The following IL12A variants were observed in gnomAD, a reference collection of about 807,000 sequenced individuals.
The protein encoded by IL12A is interleukin-12 subunit alpha.
A neutral mutation model predicts 23.5 loss-of-function variants in IL12A; 16 were observed. The observed-to-expected ratio is 0.68, with a 90% CI of 0.46 to 1.03. The LOEUF (loss-of-function observed/expected upper bound fraction) is 1.03, where lower values mean the gene tolerates loss of function less well. IL12A is among the 50% of genes least tolerant of loss of function. The pLI is 0.00. For synonymous variants in IL12A, 106 were observed against 111.5 expected (o/e 0.95, Z 0.31); for missense variants, 275 against 307.0 (o/e 0.90, Z 0.78).
intron 2 of IL12A, among the ~76,000 whole-genome samples, chr3:159,992,614 T>A (rs144722630): frequency 6.6e-6 from 1 of 152,312 alleles, no homozygotes; most frequent in African/African-American, 2.4e-5. Flanking sequence ...ACTGTGACCT[T>A]AACAGTTCCC....
chr3:159,989,023 G>C lies in IL12A; in HGVS notation c.-34G>C. The C allele has an allele frequency of 6.5e-7, 1 of 1,532,362 alleles. No homozygotes were observed. Among genetic ancestry groups the C allele is most frequent in the South Asian group, 1.1e-5 (1 of 89,474 alleles). 94.9% of individuals were successfully genotyped at this position (1,532,362 alleles called of 1,614,324 possible). ...AGAAAGCAAGAGACCAGAGTCCCGG[G>C]AAAGTCCTGCCGCGCCTCGGGACAA... On this transcript the variant is annotated 5_prime_UTR_variant, in exon 1 of 7. Transcript: ENST00000305579.
chr3:159,989,405 A>C, intron 1 of IL12A: 1 of 540,194 alleles, frequency 1.9e-6, no homozygotes, highest in East Asian at 3.4e-5. Context: ...TAGAGGAGAA[A>C]CTGAGGCCCA....
intron 2 of IL12A, 149 bp downstream of exon 2, chr3:159,990,461 T>C: frequency 1.4e-6 from 1 of 726,934 alleles, no homozygotes; most frequent in Non-Finnish European, 2.2e-6. Context: ...ACTTTACAAA[T>C]GGCCCAAGTG....
chr3:159,990,440 C>A, intron 2 of IL12A, 128 bp downstream of exon 2: 1 of 928,656 alleles, frequency 1.1e-6, no homozygotes, highest in Non-Finnish European at 1.6e-6. Context: ...CTGTCAACAG[C>A]AGGAGAGGGA....
At chr3:159,989,209 C>T (rs759427203) in intron 1 of IL12A, 35 bp downstream of exon 1, 2 of 1,562,972 alleles carry the variant, frequency 1.3e-6, no homozygotes, top group African/African-American at 1.4e-5. Context: ...TTGGCTCGCT[C>T]GGGTGCGGAG....
Position 159,989,913 on chromosome 3 carries a change from G to A in IL12A, c.119-254G>A, listed in dbSNP as rs557803828. 2.3e-3 allele frequency among the ~76,000 whole-genome samples: 354 copies of A among 152,352 alleles called. No homozygotes were observed. The Middle Eastern group carries it at 0.037, about 16-fold the overall frequency. ...AAACATGTAGGCTTTCTCTGGGTGAGTGTTGGGTTCAACACCCTTGTCCAA... is the reference window on the plus strand; with the variant it reads ...AAACATGTAGGCTTTCTCTGGGTGAATGTTGGGTTCAACACCCTTGTCCAA... On this transcript the variant is annotated intron_variant, in intron 1 of 6. Transcript: ENST00000305579.
chr3:159,989,186 G>A lies in IL12A; in HGVS notation c.118+12G>A. 1 of 1,606,294 alleles carries A rather than the reference G, an allele frequency of 6.2e-7. No homozygotes were observed. The highest frequency in any genetic ancestry group is 8.5e-7 in the Non-Finnish European group (1 of 1,175,304). The stretch of plus-strand genomic sequence containing the variant: ...GTGTCCAGCGCGCAGTGAGTACTCA[G>A]CCCGCCAGGTCTTTGGCTCGCTCGG... On this transcript the variant is annotated intron_variant, in intron 1 of 6. Transcript: ENST00000305579.
At chr3:159,992,185 A>T (rs1312978597) in intron 2 of IL12A, among the ~76,000 whole-genome samples, 1 of 152,162 alleles carries the variant, frequency 6.6e-6, no homozygotes, top group Non-Finnish European at 1.5e-5. Flanking sequence ...CATTGTCGAC[A>T]CTTTACTCCT....
chr3:159,995,357 G>A (rs1720460844), intron 6 of IL12A, 47 bp from the exon 7 acceptor site: 1 of 1,451,918 alleles, frequency 6.9e-7, no homozygotes, highest in South Asian at 1.4e-5. Context: ...ATGAATATTT[G>A]AATTTTGGAA....
At chr3:159,993,655 T>G (rs771787311) in intron 5 of IL12A, 46 bp downstream of exon 5, 1 of 1,614,150 alleles carries the variant, frequency 6.2e-7, no homozygotes, top group Non-Finnish European at 8.5e-7. Flanking sequence ...GGAAATGTTT[T>G]TAGCCCATCT....
chr3:159,991,687 C>G (rs1720318148), intron 2 of IL12A, among the ~76,000 whole-genome samples: 1 of 152,228 alleles, frequency 6.6e-6, no homozygotes, highest in Admixed American at 6.5e-5. Context: ...ATGGGTCCTA[C>G]TGGGCTAAAG....
In IL12A at chr3:159,989,052, T is replaced by C; in HGVS notation, c.-5T>C. On this transcript the variant is annotated 5_prime_UTR_variant, in exon 1 of 7. Coordinates refer to ENST00000305579, the MANE Select transcript of IL12A (RefSeq NM_000882.4). ...GTCCTGCCGCGCCTCGGGACAATTA[T>C]AAAAATGTGGCCCCCTGGGTCAGCC... The C allele has an allele frequency of 6.2e-7, 1 of 1,612,274 alleles. No homozygotes were observed. The highest frequency in any genetic ancestry group is 8.5e-7 in the Non-Finnish European group (1 of 1,178,846).
rs775722646 is a variant in IL12A at position 159,989,124 on chromosome 3, C to A, written c.68C>A (p.Ala23Glu). Residue 23 changes from alanine (A) to glutamate (E), a missense_variant, in exon 1 of 7, where the codon GCG (alanine) becomes GAG (glutamate). Coordinates refer to ENST00000305579, the MANE Select transcript of IL12A (RefSeq NM_000882.4). ...GCCGCGGCCACAGGTCTGCATCCAG[C>A]GGCTCGCCCTGTGTCCCTGCAGTGC... 8 of 1,612,358 alleles carry A rather than the reference C, an allele frequency of 5.0e-6. No individual in the cohort carries two copies. The East Asian group carries it at 1.8e-4, about 36-fold the overall frequency.
chr3:159,990,477 G>C, intron 2 of IL12A, 165 bp downstream of exon 2: 1 of 652,678 alleles, frequency 1.5e-6, no homozygotes, highest in Non-Finnish European at 2.6e-6. Context: ...AAGTGTTAAA[G>C]AGTCCTAGTG....
chr3:159,995,333 A>G (rs1455653630), intron 6 of IL12A, 71 bp from the exon 7 acceptor site: 1 of 1,282,296 alleles, frequency 7.8e-7, no homozygotes, highest in African/African-American at 1.5e-5. Flanking sequence ...TACTGGCTTC[A>G]CTCATTTTTA....
At chr3:159,992,801 G>A (rs777772004) in intron 2 of IL12A, among the ~76,000 whole-genome samples, 3 of 152,194 alleles carry the variant, frequency 2.0e-5, no homozygotes, top group Non-Finnish European at 4.4e-5. Flanking sequence ...AGAGAAACAT[G>A]CCCCAAGCTT....
chr3:159,993,956 A>G (rs1720407053), intron 6 of IL12A, 112 bp downstream of exon 6: 1 of 1,024,080 alleles, frequency 9.8e-7, no homozygotes, highest in Admixed American at 2.3e-5. Context: ...AAGGCCTGAC[A>G]GACCTACATT....
chr3:159,994,600 G>GTGTA (rs1553809876), intron 6 of IL12A, among the ~76,000 whole-genome samples: 5 of 151,778 alleles, frequency 3.3e-5, no homozygotes, highest in African/African-American at 1.2e-4. Context: ...GTGTGTGTGT[G>GTGTA]TGTGTGTGTG....
At chr3:159,990,405 A>G in intron 2 of IL12A, 93 bp downstream of exon 2, 1 of 1,327,794 alleles carries the variant, frequency 7.5e-7, no homozygotes, top group East Asian at 2.3e-5. Flanking sequence ...GGAACTGCAG[A>G]GAAATTGTGG....
Sources: allele counts gnomAD v4.1 joint callset (sites outside exome capture counted in the v4.1 genomes callset), GRCh38; gene constraint gnomAD v4.1.1; transcripts MANE v1.5; gene names NCBI Gene and HGNC (gene_info 2026-07-23, HGNC 2026-07-21).